TNR: variants seen among roughly 807,000 people sequenced by gnomAD.
The protein encoded by TNR is tenascin-R.
Under a neutral mutation model 150.4 loss-of-function variants are expected in TNR, and 45 were observed. That is an observed-to-expected ratio of 0.30 (90% CI 0.24 to 0.38). The LOEUF (loss-of-function observed/expected upper bound fraction) is 0.38, where lower values mean the gene tolerates loss of function less well. Among genes scored for constraint, TNR ranks in the 10% least tolerant of loss-of-function variants. TNR has a pLI of 1.00. For synonymous variants in TNR, 687 were observed against 678.4 expected, an observed-to-expected ratio of 1.01 and a Z score of -0.20; for missense variants, 1,544 against 1,759.1, an observed-to-expected ratio of 0.88 and a Z score of 2.19.
intron 2 of TNR, among the ~76,000 whole-genome samples, chr1:175,496,696 C>A (rs186485693): frequency 1.3e-5 from 2 of 152,300 alleles, no homozygotes; most frequent in East Asian, 3.9e-4. Flanking sequence ...AGGCTCCGGG[C>A]TGAAAGGAAC....
Position 175,396,554 on chromosome 1 carries a change from C to G in TNR, c.1230G>C (p.Lys410Asn). 1 of 1,614,024 alleles carries G rather than the reference C, an allele frequency of 6.2e-7. No individual in the cohort carries two copies. Among genetic ancestry groups the G allele is most frequent in the Non-Finnish European group, 8.5e-7 (1 of 1,179,928 alleles). The change falls in exon 5 of 23, where the codon AAG becomes AAC. Residue 410 changes from lysine (K) to asparagine (N), a missense_variant. This residue lies in a region of TNR where 1,254 missense variants were observed against 1,329.4 expected (regional missense o/e 0.94). Coordinates refer to ENST00000367674, the MANE Select transcript of TNR (RefSeq NM_003285.3). ...GGAAATGGTACGTACGGGTGGCCAC[C>G]TTGGCAGTGATGGGAAGGCTGAGGA... ...SNILSLPITA[K>N]VATHLSTPQG...
chr1:175,420,448 A>G (rs1181610973), intron 2 of TNR, among the ~76,000 whole-genome samples: 1 of 152,250 alleles, frequency 6.6e-6, no homozygotes, highest in Non-Finnish European at 1.5e-5. Context: ...TTATACCATA[A>G]ATAACAGTGA....
At chr1:175,521,824 C>T (rs1219436672) in intron 2 of TNR, among the ~76,000 whole-genome samples, 2 of 152,136 alleles carry the variant, frequency 1.3e-5, no homozygotes, top group Non-Finnish European at 2.9e-5. Flanking sequence ...CCTGTTTCTG[C>T]TTTCACTACT....
At chr1:175,504,667 G>A (rs1658878270) in intron 2 of TNR, among the ~76,000 whole-genome samples, 1 of 152,164 alleles carries the variant, frequency 6.6e-6, no homozygotes, top group South Asian at 2.1e-4. Flanking sequence ...CCCTCAGCAT[G>A]GAGCCCCCGG....
At chr1:175,721,328 A>G (rs1463538101) in intron 1 of TNR, among the ~76,000 whole-genome samples, 2 of 152,112 alleles carry the variant, frequency 1.3e-5, no homozygotes, top group African/African-American at 4.8e-5. Context: ...TTTGAGTTAG[A>G]GTGTAAGCTC....
At chr1:175,675,304 T>C (rs927372073) in intron 1 of TNR, among the ~76,000 whole-genome samples, 2 of 152,224 alleles carry the variant, frequency 1.3e-5, no homozygotes, top group African/African-American at 4.8e-5. Flanking sequence ...TTACTGAACC[T>C]GCCTCACAGA....
chr1:175,638,080 G>T (rs143479788), intron 1 of TNR, among the ~76,000 whole-genome samples: 25 of 152,234 alleles, frequency 1.6e-4, no homozygotes, highest in African/African-American at 6.0e-4. Context: ...ACCTCATACA[G>T]CTGGGTTCCT....
chr1:175,358,389 C>T (rs1381291268), intron 15 of TNR, among the ~76,000 whole-genome samples: 4 of 152,212 alleles, frequency 2.6e-5, no homozygotes, highest in African/African-American at 7.2e-5. Flanking sequence ...AAAACAAAGA[C>T]ATAAAGTAGT....
In TNR at chr1:175,363,696, T is replaced by C. The variant is rs1185237926; in HGVS notation, c.2707+12A>G. The C allele has an allele frequency of 6.2e-7, 1 of 1,611,124 alleles. No homozygotes were observed. Among genetic ancestry groups the C allele is most frequent in the Admixed American group, 1.7e-5 (1 of 59,594 alleles). On this transcript the variant is annotated intron_variant, in intron 13 of 22. Coordinates refer to ENST00000367674, the MANE Select transcript of TNR (RefSeq NM_003285.3). The stretch of plus-strand genomic sequence containing the variant: ...ATCCTAGTATCTTTGAGAAATCAAA[T>C]CACTTTGTTACCTTGGGTGGGTCGA...
rs547437647 is a variant in TNR at position 175,486,328 on chromosome 1, G to A, written c.-64+41941C>T. ...GTGTGATGTTTCCCTCCCTGTGTCC[G>A]TGTGTTCTCATTGTTCAACTCCCAC... On this transcript the variant is annotated intron_variant, in intron 2 of 22. Coordinates refer to ENST00000367674, the MANE Select transcript of TNR (RefSeq NM_003285.3). Among the ~76,000 whole-genome samples, 14 of 149,338 alleles carry A rather than the reference G, an allele frequency of 9.4e-5. No homozygotes were observed. The South Asian group carries it at 1.3e-3, about 14-fold the overall frequency.
chr1:175,412,136 C>CA (rs951006392), intron 2 of TNR, among the ~76,000 whole-genome samples: 6 of 152,070 alleles, frequency 3.9e-5, no homozygotes, highest in African/African-American at 1.4e-4. Context: ...TCAGGAAAGG[C>CA]CAAAGGATTT....
chr1:175,377,113 G>A (rs919628458), intron 9 of TNR, among the ~76,000 whole-genome samples: 3 of 151,996 alleles, frequency 2.0e-5, no homozygotes, highest in African/African-American at 7.3e-5. Context: ...TTGTGAACTT[G>A]GGCAGGTTTT....
At chr1:175,566,310 G>T (rs1008509858) in intron 1 of TNR, among the ~76,000 whole-genome samples, 1 of 152,234 alleles carries the variant, frequency 6.6e-6, no homozygotes. Context: ...GAAATAAAAA[G>T]GAGATGAAAT....
At chr1:175,602,983 A>G (rs886075598) in intron 1 of TNR, among the ~76,000 whole-genome samples, 3 of 152,152 alleles carry the variant, frequency 2.0e-5, no homozygotes, top group Non-Finnish European at 4.4e-5. Flanking sequence ...TCTTTCCTAG[A>G]ATAAAGGAGG....
chr1:175,710,341 G>A (rs889680173), intron 1 of TNR, among the ~76,000 whole-genome samples: 1 of 152,110 alleles, frequency 6.6e-6, no homozygotes, highest in Non-Finnish European at 1.5e-5. Flanking sequence ...CTGTGGGCAT[G>A]GAGCAGGCTG....
intron 1 of TNR, among the ~76,000 whole-genome samples, chr1:175,708,496 T>C (rs1310683046): frequency 6.6e-6 from 1 of 152,210 alleles, no homozygotes; most frequent in Admixed American, 6.5e-5. Context: ...TCGCACTTTA[T>C]GATTTTCCAC....
At chr1:175,470,790 A>T (rs1361390656) in intron 2 of TNR, among the ~76,000 whole-genome samples, 1 of 152,136 alleles carries the variant, frequency 6.6e-6, no homozygotes, top group Non-Finnish European at 1.5e-5. Context: ...ATGCCTTGTG[A>T]TTGTTTATTC....
At chr1:175,536,169 GT>G (rs1401283336) in intron 1 of TNR, among the ~76,000 whole-genome samples, 1 of 152,130 alleles carries the variant, frequency 6.6e-6, no homozygotes, top group Non-Finnish European at 1.5e-5. Context: ...AAAAAATGCA[GT>G]TTCCTTTGTA....
chr1:175,431,635 CTTT>C (rs35340891), intron 2 of TNR, among the ~76,000 whole-genome samples: 3 of 143,086 alleles, frequency 2.1e-5, no homozygotes, highest in Non-Finnish European at 3.1e-5. Context: ...CTGACAATAA[CTTT>C]TTTTTTTTTT....
Sources: allele counts gnomAD v4.1 joint callset (sites outside exome capture counted in the v4.1 genomes callset), GRCh38; gene constraint gnomAD v4.1.1; regional missense constraint gnomAD v4.1.1; transcripts MANE v1.5; gene names NCBI Gene and HGNC (gene_info 2026-07-23, HGNC 2026-07-21).